The following EXOC4 variants were observed in gnomAD, a reference collection of about 807,000 sequenced individuals.
The protein encoded by EXOC4 is SEC8-like 1.
EXOC4 carries 71 observed loss-of-function variants against 107.2 expected under a neutral mutation model. The observed-to-expected ratio is 0.66, with a 90% CI of 0.55 to 0.81. EXOC4 has a LOEUF of 0.81. EXOC4 is among the 30% of genes least tolerant of loss of function. The pLI, the probability that EXOC4 is intolerant of heterozygous loss-of-function variation, is 0.00. For synonymous variants in EXOC4, 456 were observed against 441.2 expected (o/e 1.03, Z -0.42); for missense variants, 1,108 against 1,189.6 (o/e 0.93, Z 1.01).
chr7:133,425,624 A>G (rs1053834288), intron 7 of EXOC4, among the ~76,000 whole-genome samples: 8 of 152,168 alleles, frequency 5.3e-5, no homozygotes, highest in Non-Finnish European at 5.9e-5. Context: ...AGACTGGCTC[A>G]GGTCATGACG....
intron 11 of EXOC4, among the ~76,000 whole-genome samples, chr7:133,851,099 A>G (rs1798231786): frequency 6.6e-6 from 1 of 152,140 alleles, no homozygotes; most frequent in African/African-American, 2.4e-5. Flanking sequence ...CACATGTTTA[A>G]CTTTTTATTC....
chr7:133,591,006 G>T (rs1220764193), intron 9 of EXOC4, among the ~76,000 whole-genome samples: 2 of 152,168 alleles, frequency 1.3e-5, no homozygotes, highest in Non-Finnish European at 2.9e-5. Flanking sequence ...GGTGCCCAAA[G>T]GCACTTGCCC....
At chr7:133,259,523 G>A (rs976546102) in intron 1 of EXOC4, among the ~76,000 whole-genome samples, 1 of 151,780 alleles carries the variant, frequency 6.6e-6, no homozygotes, top group Non-Finnish European at 1.5e-5. Context: ...CACCGTCCCC[G>A]GCCCACTTGT....
chr7:133,595,583 G>T (rs1368524230), intron 9 of EXOC4, among the ~76,000 whole-genome samples: 2 of 152,128 alleles, frequency 1.3e-5, no homozygotes, highest in East Asian at 3.9e-4. Flanking sequence ...AGCACTTTAT[G>T]TGCATGATCT....
intron 7 of EXOC4, among the ~76,000 whole-genome samples, chr7:133,437,350 A>G (rs1042611812): frequency 7.9e-5 from 12 of 152,094 alleles, no homozygotes; most frequent in African/African-American, 2.9e-4. Context: ...CTGTGGTACA[A>G]TTTTCTGTTC....
At chr7:133,530,571 A>G (rs1584980710) in intron 9 of EXOC4, among the ~76,000 whole-genome samples, 1 of 152,338 alleles carries the variant, frequency 6.6e-6, no homozygotes, top group African/African-American at 2.4e-5. Context: ...GTACAGTGTG[A>G]TGTTGATGGA....
At chr7:133,420,191 A>G (rs1212170553) in intron 7 of EXOC4, among the ~76,000 whole-genome samples, 23 of 137,638 alleles carry the variant, frequency 1.7e-4, no homozygotes, top group East Asian at 4.2e-4. Context: ...TCATTGTTCA[A>G]TTCCCACCTA....
At chr7:133,760,120 T>C (rs759835499) in intron 10 of EXOC4, among the ~76,000 whole-genome samples, 1 of 152,186 alleles carries the variant, frequency 6.6e-6, no homozygotes, top group Non-Finnish European at 1.5e-5. Context: ...ATCAGGCTAC[T>C]CTCTTGGGAC....
At chr7:134,092,137 T>A in the EXOC4 span, among the ~76,000 whole-genome samples, 4 of 152,308 alleles carry the variant, frequency 2.6e-5, no homozygotes, top group African/African-American at 9.6e-5. Context: ...AGTTTTGAAT[T>A]ACTAGGTGTG....
At chr7:134,090,745 C>T in the EXOC4 span, among the ~76,000 whole-genome samples, 9 of 152,016 alleles carry the variant, frequency 5.9e-5, no homozygotes, top group African/African-American at 2.2e-4. Context: ...AAGACACTCC[C>T]CATGTCCCAT....
intron 17 of EXOC4, among the ~76,000 whole-genome samples, chr7:134,019,547 CT>C (rs1794984079): frequency 6.6e-6 from 1 of 152,050 alleles, no homozygotes. Flanking sequence ...CATTGGTTCA[CT>C]GAATGTCCCT....
At chr7:133,714,380 G>C (rs2151099785) in intron 10 of EXOC4, among the ~76,000 whole-genome samples, 1 of 152,244 alleles carries the variant, frequency 6.6e-6, no homozygotes, top group East Asian at 1.9e-4. Flanking sequence ...AATCAATTGT[G>C]TTAGCAAGTC....
intron 3 of EXOC4, among the ~76,000 whole-genome samples, chr7:133,305,504 TA>T (rs1794732093): frequency 6.6e-6 from 1 of 152,330 alleles, no homozygotes; most frequent in East Asian, 1.9e-4. Flanking sequence ...AGCCTTAGTT[TA>T]AAAAAGCTAA....
chr7:133,480,264 T>C (rs1044526513), intron 9 of EXOC4, 126 bp downstream of exon 9: 4 of 1,499,966 alleles, frequency 2.7e-6, no homozygotes, highest in Non-Finnish European at 3.6e-6. Context: ...ACTTAATAAT[T>C]TGTTTCTTCT....
At chr7:133,308,568 T>G (rs1794803917) in intron 4 of EXOC4, among the ~76,000 whole-genome samples, 1 of 152,128 alleles carries the variant, frequency 6.6e-6, no homozygotes, top group Middle Eastern at 3.2e-3. Context: ...AGCTATCCAG[T>G]CTGTGTTACT....
At chr7:133,760,633 C>T (rs751661930) in intron 10 of EXOC4, among the ~76,000 whole-genome samples, 16 of 151,976 alleles carry the variant, frequency 1.1e-4, no homozygotes, top group Non-Finnish European at 1.6e-4. Context: ...TCGCACCATT[C>T]TGGAGCTTTT....
intron 12 of EXOC4, among the ~76,000 whole-genome samples, chr7:133,902,054 C>T (rs1431848512): frequency 6.6e-6 from 1 of 152,216 alleles, no homozygotes; most frequent in Non-Finnish European, 1.5e-5. Context: ...TCGTGAGATC[C>T]TCCTAGCTTC....
At chr7:133,734,529 AT>A (rs1465027706) in intron 10 of EXOC4, among the ~76,000 whole-genome samples, 2 of 149,200 alleles carry the variant, frequency 1.3e-5, no homozygotes, top group East Asian at 4.0e-4. Flanking sequence ...TATTTCGAGG[AT>A]TTTTCCCCCG....
In EXOC4 at chr7:133,336,535, G is replaced by T. The variant is rs2150615661; in HGVS notation, c.763+19145G>T. On this transcript the variant is annotated intron_variant, in intron 5 of 17. Coordinates refer to ENST00000253861, the MANE Select transcript of EXOC4 (RefSeq NM_021807.4). ...TTCATTTTACAATTCTTGCCAATCTGAGAAGTAAAAAATGTTATCAGTGTT... is the reference window on the plus strand; with the variant it reads ...TTCATTTTACAATTCTTGCCAATCTTAGAAGTAAAAAATGTTATCAGTGTT... Among the ~76,000 whole-genome samples, 3 of 152,126 alleles carry T rather than the reference G, an allele frequency of 2.0e-5. No individual in the cohort carries two copies. In the Middle Eastern group the frequency reaches 0.01, roughly 517 times the overall value.
Sources: allele counts gnomAD v4.1 joint callset (sites outside exome capture counted in the v4.1 genomes callset), GRCh38; gene constraint gnomAD v4.1.1; transcripts MANE v1.5; gene names NCBI Gene and HGNC (gene_info 2026-07-23, HGNC 2026-07-21).